PCDHGA2: variants seen among roughly 807,000 people sequenced by gnomAD.
The protein encoded by PCDHGA2 is protocadherin gamma subfamily A, 2.
Under a neutral mutation model 59.2 loss-of-function variants are expected in PCDHGA2, and 40 were observed. The ratio of observed to expected loss-of-function variants is 0.68; its 90% CI spans 0.52 to 0.88. The LOEUF (loss-of-function observed/expected upper bound fraction) is 0.88, where lower values mean the gene tolerates loss of function less well. PCDHGA2 is among the 40% of genes least tolerant of loss of function. The pLI is 0.00. For synonymous variants in PCDHGA2, 560 were observed against 526.0 expected (o/e 1.06, Z -0.89); for missense variants, 1,226 against 1,204.0 (o/e 1.02, Z -0.27).
intron 1 of PCDHGA2, chr5:141,361,220 C>G (rs1466381817): frequency 6.2e-7 from 1 of 1,613,950 alleles, no homozygotes; most frequent in African/African-American, 1.3e-5. Flanking sequence ...GATTCGCCAC[C>G]AGGAACAGTG....
At chr5:141,376,274 G>A (rs773118142) in intron 1 of PCDHGA2, 3 of 1,614,220 alleles carry the variant, frequency 1.9e-6, no homozygotes, top group Non-Finnish European at 1.7e-6. Flanking sequence ...TTCGGGAGGT[G>A]GCTTAGCGAG....
intron 1 of PCDHGA2, among the ~76,000 whole-genome samples, chr5:141,460,682 T>A (rs957470916): frequency 3.3e-5 from 5 of 152,134 alleles, no homozygotes; most frequent in African/African-American, 1.2e-4. Flanking sequence ...TATATCTATA[T>A]ATCCACCAAC....
At chr5:141,403,266 A>G in intron 1 of PCDHGA2, 11 of 1,613,858 alleles carry the variant, frequency 6.8e-6, no homozygotes, top group Non-Finnish European at 9.3e-6. Context: ...TGTCTGGTGA[A>G]CTTTAAAGTC....
chr5:141,355,007 C>T, intron 1 of PCDHGA2: 1 of 791,276 alleles, frequency 1.3e-6, no homozygotes, highest in Non-Finnish European at 1.8e-6. Flanking sequence ...AAAAGACAAA[C>T]CAGAAATTTA....
intron 1 of PCDHGA2, chr5:141,390,450 T>A: frequency 1.2e-6 from 1 of 822,586 alleles, no homozygotes; most frequent in Non-Finnish European, 1.9e-6. Context: ...AAAGGAGGAG[T>A]AAAGTAGGAG....
chr5:141,375,487 T>G, intron 1 of PCDHGA2: 1 of 1,613,830 alleles, frequency 6.2e-7, no homozygotes, highest in Non-Finnish European at 8.5e-7. Context: ...ACCCCAGGGG[T>G]GCCTCCATCT....
At chr5:141,375,691 C>T in intron 1 of PCDHGA2, 1 of 1,614,272 alleles carries the variant, frequency 6.2e-7, no homozygotes, top group South Asian at 1.1e-5. Context: ...CAGCCAGCGA[C>T]AGCGGGGACC....
At chr5:141,364,871 G>C (rs775321480) in intron 1 of PCDHGA2, 2 of 1,614,010 alleles carry the variant, frequency 1.2e-6, no homozygotes, top group Non-Finnish European at 1.7e-6. Context: ...CTTCTCTCTG[G>C]ATGTGGTAAG....
At chr5:141,354,016 T>C (rs148362038) in intron 1 of PCDHGA2, among the ~76,000 whole-genome samples, 45 of 152,350 alleles carry the variant, frequency 3.0e-4, no homozygotes, top group African/African-American at 1.1e-3. Context: ...TTACTGTAAG[T>C]ATTCATAAGA....
intron 1 of PCDHGA2, chr5:141,418,297 C>T (rs760176371): frequency 2.5e-6 from 4 of 1,614,026 alleles, no homozygotes; most frequent in African/African-American, 2.7e-5. Flanking sequence ...GTGAATCCGT[C>T]AGCCTGGGGA....
rs770419617 is a variant in PCDHGA2, at chr5:141,421,523, C to T, written c.2425-73284C>T. The T allele has an allele frequency of 2.5e-6, 4 of 1,614,034 alleles. No homozygotes were observed. In the Admixed American group the frequency reaches 5.0e-5, roughly 20 times the overall value. ...ATAGACCGGGAGGAGCTCTGTGAGA[C>T]GGTGTCCTCCTGTTTTTTAAATATG... On this transcript the variant is annotated intron_variant, in intron 1 of 3. Transcript: ENST00000394576.
At chr5:141,456,204 C>A (rs867187371) in intron 1 of PCDHGA2, among the ~76,000 whole-genome samples, 17 of 152,222 alleles carry the variant, frequency 1.1e-4, no homozygotes, top group South Asian at 2.1e-4. Context: ...CTACCACATT[C>A]CTCCCTGTGG....
chr5:141,405,005 G>C (rs1358521218), intron 1 of PCDHGA2: 7 of 1,613,830 alleles, frequency 4.3e-6, no homozygotes, highest in African/African-American at 2.7e-5. Context: ...TGCAGACCTG[G>C]AGGCCTCAGA....
chr5:141,511,049 G>A lies in PCDHGA2; in HGVS notation c.2675G>A (p.Arg892His), dbSNP rs61749029. 408 of 1,614,098 alleles carry A rather than the reference G, an allele frequency of 2.5e-4. No individual in the cohort carries two copies. Among genetic ancestry groups the A allele is most frequent in the South Asian group, 7.2e-4 (66 of 91,094 alleles). Residue 892 changes from arginine (R) to histidine (H), a missense_variant, in exon 4 of 4, where the codon CGC becomes CAC. Transcript: ENST00000394576. ...QFTLQHVPDY[R>H]QNVYIPGSNA... ...ACCCTGCAGCACGTGCCCGACTACC[G>A]CCAGAATGTCTACATCCCAGGCAGC...
chr5:141,430,796 C>A, intron 1 of PCDHGA2: 1 of 1,522,232 alleles, frequency 6.6e-7, no homozygotes, highest in Middle Eastern at 1.8e-4. Context: ...CTACAAAGGG[C>A]TTGTCCTGCT....
chr5:141,346,147 T>A, intron 1 of PCDHGA2: 2 of 1,614,016 alleles, frequency 1.2e-6, no homozygotes, highest in Non-Finnish European at 1.7e-6. Context: ...TGCGTCTTCC[T>A]GGCCTTCGTC....
Position 141,394,674 on chromosome 5 carries a change from C to A in PCDHGA2, c.2424+53279C>A, listed in dbSNP as rs1236446796. ...CGAGCCGGGACTCTTCTCGGTGGGT[C>A]TGCACACGGGCGAGGTGCGCACGGC... On this transcript the variant is annotated intron_variant, in intron 1 of 3. Coordinates refer to ENST00000394576, the MANE Select transcript of PCDHGA2 (RefSeq NM_018915.4). 5.0e-6 allele frequency: 8 copies of A among 1,612,640 alleles called. No homozygotes were observed. The highest frequency in any genetic ancestry group is 6.8e-6 in the Non-Finnish European group (8 of 1,179,760).
chr5:141,339,249 A>G lies in PCDHGA2; in HGVS notation c.278A>G (p.Glu93Gly). 1 of 1,614,252 alleles carries G rather than the reference A, an allele frequency of 6.2e-7. No individual in the cohort carries two copies. Among genetic ancestry groups the G allele is most frequent in the Non-Finnish European group, 8.5e-7 (1 of 1,180,038 alleles). ...GTCACTGCGAACAGGATAGACCGGG[A>G]GGAGCTCTGCGCTCAGAGCGCACCC... ...SLVTANRIDR[E>G]ELCAQSAPCL... The change falls in exon 1 of 4, where the codon GAG becomes GGG. Residue 93 changes from glutamate (E) to glycine (G), a missense_variant. Coordinates refer to ENST00000394576, the MANE Select transcript of PCDHGA2 (RefSeq NM_018915.4).
chr5:141,492,425 C>T (rs1243599547), intron 1 of PCDHGA2, among the ~76,000 whole-genome samples: 1 of 152,254 alleles, frequency 6.6e-6, no homozygotes, highest in Non-Finnish European at 1.5e-5. Flanking sequence ...CTCCGCCGGG[C>T]TCAGGAGTAC....
Sources: gnomAD v4.1 joint callset for allele counts (sites outside exome capture counted in the v4.1 genomes callset) on GRCh38, gnomAD v4.1.1 for gene constraint, MANE v1.5 for transcripts, NCBI Gene and HGNC (gene_info 2026-07-23, HGNC 2026-07-21) for gene names.